LIMS2: variants seen among roughly 807,000 people sequenced by gnomAD.
LIMS2 encodes the protein LIM zinc finger domain containing 2.
A neutral mutation model predicts 45.3 loss-of-function variants in LIMS2; 30 were observed. That is an observed-to-expected ratio of 0.66 (90% CI 0.50 to 0.90). The LOEUF (loss-of-function observed/expected upper bound fraction) is 0.90. LIMS2 is among the 40% of genes least tolerant of loss of function. The pLI is 0.00. For missense variants in LIMS2, 485 were observed against 468.7 expected (o/e 1.03, Z -0.32); for synonymous variants, 173 against 188.0 (o/e 0.92, Z 0.65).
chr2:127,664,447 GACC>G lies in LIMS2; in HGVS notation c.12-6888_12-6886del. 1 of 1,187,638 alleles carries G rather than the reference GACC, an allele frequency of 8.4e-7. No homozygotes were observed. Among genetic ancestry groups the G allele is most frequent in the Non-Finnish European group, 1.0e-6 (1 of 959,670 alleles). The allele number at this position is 1,187,638 out of a possible 1,614,324, so 73.6% of individuals were successfully genotyped here. On this transcript the variant is annotated intron_variant, in intron 1 of 9. Transcript: ENST00000355119. The surrounding 1 kb of genome is among the most constrained non-coding windows in gnomAD (Gnocchi z 5.5). ...GGGCCGCCTGGTGCAGGGGCTATGG[GACC>G]ACCTCGGAGGGGAGGCGCGGCCGCC...
intron 1 of LIMS2, among the ~76,000 whole-genome samples, chr2:127,670,796 G>C (rs1251696250): frequency 6.6e-6 from 1 of 152,244 alleles, no homozygotes; most frequent in Non-Finnish European, 1.5e-5. Context: ...GACAGAGGCA[G>C]AGATGCCACA....
chr2:127,641,617 C>A (rs999665645), intron 6 of LIMS2: 8 of 161,412 alleles, frequency 5.0e-5, no homozygotes, highest in Middle Eastern at 3.0e-3. Flanking sequence ...CCCATGAGAA[C>A]ATGAGAGCCC....
chr2:127,662,459 C>G (rs1684731432), intron 1 of LIMS2, among the ~76,000 whole-genome samples: 2 of 151,904 alleles, frequency 1.3e-5, no homozygotes, highest in Admixed American at 6.6e-5. Flanking sequence ...CAGCCAGAGG[C>G]CAGTGTCGGG....
chr2:127,640,340 A>C, intron 7 of LIMS2, 22 bp from the exon 8 acceptor site: 1 of 1,611,410 alleles, frequency 6.2e-7, no homozygotes, highest in Non-Finnish European at 8.5e-7. Context: ...GCAGGCTGTC[A>C]GAGTAGCTGC....
At chr2:127,668,711 A>AAC (rs1558901551) in intron 1 of LIMS2, among the ~76,000 whole-genome samples, 4 of 119,430 alleles carry the variant, frequency 3.3e-5, no homozygotes, top group Non-Finnish European at 7.0e-5. Flanking sequence ...AAAAAAAAAA[A>AAC]CACCTTACTT....
At position 127,640,324 on chromosome 2, in the gene LIMS2, G is replaced by A; in HGVS notation, c.754-6C>T. On this transcript the variant is annotated splice_polypyrimidine_tract_variant and splice_region_variant and intron_variant, in intron 7 of 9. Coordinates refer to ENST00000355119, the MANE Select transcript of LIMS2 (RefSeq NM_001161403.3). ...TAGCAGACGTCCCCGAAGAGCTGTG[G>A]GCCGAGCAGGCTGTCAGAGTAGCTG... 6.2e-7 allele frequency: 1 copy of A among 1,612,408 alleles called. No individual in the cohort carries two copies. Among genetic ancestry groups the A allele is most frequent in the Non-Finnish European group, 8.5e-7 (1 of 1,179,848 alleles).
At chr2:127,656,476 C>T (rs1450800789) in intron 2 of LIMS2, among the ~76,000 whole-genome samples, 3 of 150,340 alleles carry the variant, frequency 2.0e-5, no homozygotes, top group Non-Finnish European at 3.0e-5. Context: ...TGCAATGGCG[C>T]GATCTCGGCT....
chr2:127,669,397 A>G (rs1189262275), intron 1 of LIMS2, among the ~76,000 whole-genome samples: 1 of 152,220 alleles, frequency 6.6e-6, no homozygotes, highest in East Asian at 1.9e-4. Context: ...AAGTGAAAAG[A>G]TGATCCACAG....
In LIMS2 at chr2:127,654,134, AGGTG is replaced by A. The variant is rs140219246; in HGVS notation, c.359+286_359+289del. On this transcript the variant is annotated intron_variant, in intron 4 of 9. Coordinates refer to ENST00000355119, the MANE Select transcript of LIMS2 (RefSeq NM_001161403.3). ...GAGCTGCACAGGTACAGGCAGGAGA[AGGTG>A]GACAGGTGGGGTCAGTAGATGGGGT... 4.6e-3 allele frequency among the ~76,000 whole-genome samples: 693 copies of A among 152,166 alleles called. 23 individuals carry two copies. In the East Asian group the frequency reaches 0.076, roughly 17 times the overall value.
intron 4 of LIMS2, among the ~76,000 whole-genome samples, chr2:127,652,933 A>C (rs372822715): frequency 6.6e-5 from 10 of 152,150 alleles, no homozygotes; most frequent in Admixed American, 2.6e-4. Context: ...GATTTCCCCA[A>C]CCAGCCCTTG....
rs1299033733 is a variant in LIMS2, at chr2:127,638,448, T to TGCAA, written c.*829_*832dup. On this transcript the variant is annotated 3_prime_UTR_variant, in exon 10 of 10. Transcript: ENST00000355119. ...TGGTTGTGTGAACAAGCCTTCATTG[T>TGCAA]GCAAGCGTGAGCCCAACAAACAAAC... 2.1e-5 allele frequency: 3 copies of TGCAA among 142,408 alleles called. No homozygotes were observed. The highest frequency in any genetic ancestry group is 4.9e-4 in the South Asian group (2 of 4,066). 8.8% of individuals were successfully genotyped at this position (142,408 alleles called of 1,614,324 possible).
intron 1 of LIMS2, among the ~76,000 whole-genome samples, chr2:127,660,623 C>T (rs749781842): frequency 6.6e-6 from 1 of 152,188 alleles, no homozygotes; most frequent in South Asian, 2.1e-4. Flanking sequence ...CATATCTGAA[C>T]GTCTGAAGGA....
At position 127,671,953 on chromosome 2, in the gene LIMS2, G is replaced by C. The variant is rs1156333603; in HGVS notation, c.11+3061C>G. 1.3e-5 allele frequency among the ~76,000 whole-genome samples: 2 copies of C among 152,192 alleles called. No individual in the cohort carries two copies. Among genetic ancestry groups the C allele is most frequent in the Non-Finnish European group, 2.9e-5 (2 of 68,020 alleles). ...GACACCTTCTGCCTAGGGGACCACC[G>C]GGCACACTCCTCACCCGGAGGAGGG... On this transcript the variant is annotated intron_variant, in intron 1 of 9. Coordinates refer to ENST00000355119, the MANE Select transcript of LIMS2 (RefSeq NM_001161403.3). The surrounding 1 kb of genome is among the most constrained non-coding windows in gnomAD (Gnocchi z 4.1).
At chr2:127,644,058 G>A (rs777292553) in intron 4 of LIMS2, 1 of 456,486 alleles carries the variant, frequency 2.2e-6, no homozygotes, top group Non-Finnish European at 4.4e-6. Context: ...TCCCTCCCTG[G>A]ACCCCAGGAC....
chr2:127,650,964 G>A (rs147393131), intron 4 of LIMS2: 490 of 1,613,840 alleles, frequency 3.0e-4, no homozygotes, highest in Middle Eastern at 4.9e-4. Flanking sequence ...GGCCGTGGCC[G>A]ACTTGTCGTG....
Position 127,674,567 on chromosome 2 carries a change from T to TA in LIMS2, c.11+446dup, listed in dbSNP as rs1333684097. ...TACCCTTCAACATTTTTAACATTTTTACCACCCCAGGTTTACAGAGGAGGA... is the reference window on the plus strand; with the variant it reads ...TACCCTTCAACATTTTTAACATTTTTAACCACCCCAGGTTTACAGAGGAGGA... On this transcript the variant is annotated intron_variant, in intron 1 of 9. Transcript: ENST00000355119. 17 of 928,668 alleles carry TA rather than the reference T, an allele frequency of 1.8e-5. No homozygotes were observed. In the African/African-American group the frequency reaches 3.0e-4, roughly 16 times the overall value. 57.5% of individuals were successfully genotyped at this position (928,668 alleles called of 1,614,324 possible). A position where few individuals can be genotyped will look rare whatever the true frequency, so the allele number is the denominator to read the frequency against.
intron 1 of LIMS2, among the ~76,000 whole-genome samples, chr2:127,665,660 GC>G (rs1684963164): frequency 6.6e-6 from 1 of 152,212 alleles, no homozygotes; most frequent in Non-Finnish European, 1.5e-5. Context: ...GATGTAGGTA[GC>G]CGAATGCTTA....
At chr2:127,662,927 CA>C (rs1178006587) in intron 1 of LIMS2, among the ~76,000 whole-genome samples, 1 of 152,204 alleles carries the variant, frequency 6.6e-6, no homozygotes, top group Non-Finnish European at 1.5e-5. Context: ...AAGCCCTTGC[CA>C]TATCTCTTTG....
upstream of LIMS2, among the ~76,000 whole-genome samples, chr2:127,675,624 C>T (rs546243295): frequency 1.0e-3 from 157 of 152,182 alleles, no homozygotes; most frequent in African/African-American, 3.2e-3. Context: ...CGGGACGCCC[C>T]GCCCGGCGCC....
Sources: gnomAD v4.1 joint callset for allele counts (sites outside exome capture counted in the v4.1 genomes callset) on GRCh38, gnomAD v4.1.1 for gene constraint, Gnocchi (gnomAD v3.1) non-coding constraint, MANE v1.5 for transcripts, NCBI Gene and HGNC (gene_info 2026-07-23, HGNC 2026-07-21) for gene names.